Variants in GSN observed in about 807,000 individuals in gnomAD.
GSN encodes the protein gelsolin.
Under a neutral mutation model 85.7 loss-of-function variants are expected in GSN, and 56 were observed. The observed-to-expected ratio is 0.65, with a 90% CI of 0.53 to 0.82. GSN has a LOEUF of 0.82. Ranked by LOEUF, GSN falls within the 40% of genes least tolerant of loss-of-function variation. The pLI, the probability that GSN is intolerant of heterozygous loss-of-function variation, is 0.00. For missense variants in GSN, 857 were observed against 979.8 expected (o/e 0.87, Z 1.67); for synonymous variants, 373 against 399.1 (o/e 0.93, Z 0.78).
At chr9:121,324,785 C>T in intron 12 of GSN, 141 bp downstream of exon 12, 1 of 678,168 alleles carries the variant, frequency 1.5e-6, no homozygotes, top group Non-Finnish European at 2.7e-6. Flanking sequence ...ATCCATCCAT[C>T]CATCCATCCA....
chr9:121,225,826 A>G (rs957246673), intron 4 of GSN, among the ~76,000 whole-genome samples: 5 of 152,042 alleles, frequency 3.3e-5, no homozygotes, highest in African/African-American at 9.7e-5. Flanking sequence ...TTTTTTGGAG[A>G]CAGAGTCTCA....
At chr9:121,236,846 A>AT (rs1478352886) in intron 5 of GSN, among the ~76,000 whole-genome samples, 1 of 152,216 alleles carries the variant, frequency 6.6e-6, no homozygotes, top group Non-Finnish European at 1.5e-5. Context: ...CAAATCAGGG[A>AT]TTTTCCAAAG....
intron 5 of GSN, among the ~76,000 whole-genome samples, chr9:121,247,226 G>A (rs905121130): frequency 1.3e-5 from 2 of 152,158 alleles, no homozygotes; most frequent in South Asian, 2.1e-4. Context: ...TGGATAGTCA[G>A]GAACCAGCCA....
chr9:121,270,644 C>T (rs191835972), intron 1 of GSN, among the ~76,000 whole-genome samples: 5 of 152,248 alleles, frequency 3.3e-5, no homozygotes, highest in African/African-American at 9.6e-5. Context: ...AAGAATCCCT[C>T]CAAGCCCGCC....
intron 5 of GSN, among the ~76,000 whole-genome samples, chr9:121,231,888 G>A (rs888689858): frequency 1.1e-4 from 16 of 152,118 alleles, no homozygotes; most frequent in African/African-American, 3.9e-4. Flanking sequence ...CCTACATGGT[G>A]AAACCCCGTG....
upstream of GSN, among the ~76,000 whole-genome samples, chr9:121,207,516 T>C (rs1447065795): frequency 6.6e-6 from 1 of 152,144 alleles, no homozygotes; most frequent in Non-Finnish European, 1.5e-5. Context: ...CAAACATCCT[T>C]GAAAAGACAG....
At chr9:121,205,267 G>T (rs762312094), upstream of GSN, among the ~76,000 whole-genome samples, 3 of 152,148 alleles carry the variant, frequency 2.0e-5, no homozygotes, top group Non-Finnish European at 2.9e-5. Flanking sequence ...CAGCCTTTAG[G>T]GAAATTGTAA....
chr9:121,285,746 A>T (rs141882086), intron 2 of GSN, among the ~76,000 whole-genome samples: 1 of 151,968 alleles, frequency 6.6e-6, no homozygotes, highest in Non-Finnish European at 1.5e-5. Context: ...AAATGGCATC[A>T]TGTCCCACCT....
chr9:121,244,339 T>C (rs1214216449), intron 5 of GSN, among the ~76,000 whole-genome samples: 1 of 152,248 alleles, frequency 6.6e-6, no homozygotes. Context: ...TTCATGTCTC[T>C]TGAGTAAATA....
In GSN at chr9:121,324,585, G is replaced by A. The variant is rs760189867; in HGVS notation, c.1357G>A (p.Ala453Thr). 1.1e-5 allele frequency: 17 copies of A among 1,545,946 alleles called. No homozygotes were observed. The South Asian group carries it at 1.2e-4, about 11-fold the overall frequency. ...QGAQSTQDEV[A>T]ASAILTAQLD... is the part of the protein sequence containing the mutation. The stretch of plus-strand genomic sequence containing the variant: ...TGCCCAGTCTACCCAGGATGAGGTC[G>A]CTGCATCTGCCATCCTGACTGCTCA... The change falls in exon 12 of 18, where the codon GCT becomes ACT. Residue 453 changes from alanine (A) to threonine (T), a missense_variant. Physicochemically the swap from Ala to Thr is moderately conservative, Grantham distance 58. Transcript: ENST00000432226.
At chr9:121,228,512 C>G (rs181374135) in intron 4 of GSN, among the ~76,000 whole-genome samples, 476 of 142,492 alleles carry the variant, frequency 3.3e-3, no homozygotes, top group African/African-American at 0.012. Flanking sequence ...TGGCTCACTG[C>G]AACCTCTGCC....
rs377210790 is a variant in GSN, at chr9:121,326,738, T to C, written c.1587+56T>C. On this transcript the variant is annotated intron_variant, in intron 13 of 17. Coordinates refer to ENST00000432226, the MANE Select transcript of GSN (RefSeq NM_198252.3). ...ATTGGCCTCCCTGAAACCTCCCAGC[T>C]CAATGACCAGATCTCCAGGCACAGG... The C allele has an allele frequency of 3.5e-4, 504 of 1,419,820 alleles. 1 individual carries two copies. Among genetic ancestry groups the C allele is most frequent in the Non-Finnish European group, 4.7e-4 (475 of 1,003,596 alleles). 88.0% of individuals were successfully genotyped at this position (1,419,820 alleles called of 1,614,324 possible).
intron 5 of GSN, chr9:121,311,151 C>A (rs1354901009): frequency 7.1e-6 from 3 of 425,146 alleles, no homozygotes; most frequent in Non-Finnish European, 1.3e-5. Context: ...ACACTCTGGG[C>A]TTTTGCCCAC....
intron 12 of GSN, 121 bp from the exon 13 acceptor site, chr9:121,326,391 T>C: frequency 1.2e-6 from 1 of 821,868 alleles, no homozygotes; most frequent in East Asian, 2.6e-5. Flanking sequence ...TCGGGTCACA[T>C]TCCATGCCAC....
At chr9:121,312,894 T>C in intron 6 of GSN, 1 of 165,294 alleles carries the variant, frequency 6.0e-6, no homozygotes, top group Non-Finnish European at 1.3e-5. Context: ...CCCAAAATGC[T>C]GGGATTACAA....
intron 6 of GSN, among the ~76,000 whole-genome samples, chr9:121,254,210 G>T (rs938457151): frequency 5.9e-5 from 9 of 152,156 alleles, no homozygotes; most frequent in Admixed American, 3.9e-4. Context: ...AAAAATTGTG[G>T]CAGGTAGGCA....
At chr9:121,311,040 T>G (rs1303660960) in intron 5 of GSN, 195 bp downstream of exon 5, 1 of 613,002 alleles carries the variant, frequency 1.6e-6, no homozygotes, top group East Asian at 2.8e-5. Flanking sequence ...TAGTGCGTAC[T>G]TGGACTTTGA....
intron 7 of GSN, among the ~76,000 whole-genome samples, chr9:121,315,635 G>A (rs1342420297): frequency 1.3e-5 from 2 of 152,086 alleles, no homozygotes; most frequent in Non-Finnish European, 2.9e-5. Context: ...CGTGGTGGCG[G>A]GTGCCTCTAA....
At chr9:121,228,418 ATATATATTTTT>A (rs1194057912) in intron 4 of GSN, among the ~76,000 whole-genome samples, 1 of 58,492 alleles carries the variant, frequency 1.7e-5, no homozygotes, top group African/African-American at 1.0e-4. Flanking sequence ...ATATATATAT[ATATATATTTTT>A]TTTTTTTTTT....
Sources: allele counts gnomAD v4.1 joint callset (sites outside exome capture counted in the v4.1 genomes callset), GRCh38; gene constraint gnomAD v4.1.1; transcripts MANE v1.5; gene names NCBI Gene and HGNC (gene_info 2026-07-23, HGNC 2026-07-21).